The following METTL15 variants were observed in gnomAD, a reference collection of about 807,000 sequenced individuals.
METTL15 encodes 12S rRNA N(4)-cytidine methyltransferase METTL15.
A neutral mutation model predicts 38.3 loss-of-function variants in METTL15; 34 were observed. The observed-to-expected ratio is 0.89, with a 90% CI of 0.68 to 1.18. The LOEUF is 1.18. Ranked by LOEUF, METTL15 falls within the 50% of genes most tolerant of loss-of-function variation. METTL15 has a pLI of 0.00. For synonymous variants in METTL15, 162 were observed against 170.9 expected (o/e 0.95, Z 0.41); for missense variants, 438 against 498.4 (o/e 0.88, Z 1.15).
At chr11:28,423,717 G>A (rs1012043406) in intron 5 of METTL15, among the ~76,000 whole-genome samples, 1 of 152,044 alleles carries the variant, frequency 6.6e-6, no homozygotes, top group East Asian at 1.9e-4. Flanking sequence ...AGGGTAGCAG[G>A]GGAATGGAGA....
At chr11:28,333,991 A>G (rs1010683046), downstream of METTL15, among the ~76,000 whole-genome samples, 40 of 151,854 alleles carry the variant, frequency 2.6e-4, no homozygotes, top group African/African-American at 8.7e-4. Flanking sequence ...ATGAATCTGT[A>G]CTGCAGACTT....
chr11:28,455,872 A>G (rs554374446), intron 6 of METTL15, among the ~76,000 whole-genome samples: 7 of 151,968 alleles, frequency 4.6e-5, no homozygotes, highest in African/African-American at 1.7e-4. Flanking sequence ...ACACCCAGCT[A>G]ATTTTTTGTA....
intron 4 of METTL15, 33 bp from the exon 5 acceptor site, chr11:28,290,173 A>G (rs765436155): frequency 2.6e-5 from 40 of 1,554,266 alleles, no homozygotes; most frequent in Non-Finnish European, 3.3e-5. Flanking sequence ...ATCTAACAGA[A>G]GTGTTTTCTC....
intron 4 of METTL15, among the ~76,000 whole-genome samples, chr11:28,218,970 A>T (rs1180819150): frequency 6.6e-6 from 1 of 152,148 alleles, no homozygotes; most frequent in African/African-American, 2.4e-5. Flanking sequence ...CCAGTATGTT[A>T]TTGAGGATTT....
chr11:28,308,504 TC>T (rs1263371570), intron 6 of METTL15, among the ~76,000 whole-genome samples: 1 of 152,162 alleles, frequency 6.6e-6, no homozygotes, highest in Non-Finnish European at 1.5e-5. Context: ...TTGACACAGT[TC>T]CACTCATAGA....
chr11:28,358,751 A>G (rs953841298), intron 4 of METTL15, among the ~76,000 whole-genome samples: 2 of 152,194 alleles, frequency 1.3e-5, no homozygotes, highest in Non-Finnish European at 2.9e-5. Flanking sequence ...ATGGAATCTC[A>G]CACAGTAAAG....
intron 4 of METTL15, among the ~76,000 whole-genome samples, chr11:28,250,213 A>C (rs1046885884): frequency 1.3e-4 from 19 of 151,978 alleles, no homozygotes; most frequent in Admixed American, 1.2e-3. Flanking sequence ...TGGTAGAATG[A>C]TGTATTTTCC....
intron 6 of METTL15, among the ~76,000 whole-genome samples, chr11:28,325,434 C>T (rs191681525): frequency 1.3e-5 from 2 of 152,280 alleles, no homozygotes; most frequent in East Asian, 3.9e-4. Context: ...AGGCTTTATA[C>T]ATAAGTTTTG....
At chr11:28,309,695 G>A (rs937090793) in intron 6 of METTL15, among the ~76,000 whole-genome samples, 2 of 152,076 alleles carry the variant, frequency 1.3e-5, no homozygotes, top group African/African-American at 4.8e-5. Context: ...TTTCTTGTAA[G>A]GGGTAAGTGT....
chr11:28,373,717 GT>G (rs1280258012), intron 5 of METTL15, among the ~76,000 whole-genome samples: 2 of 152,174 alleles, frequency 1.3e-5, no homozygotes, highest in East Asian at 3.8e-4. Context: ...TGCTTTTGGT[GT>G]TTTAGACATG....
intron 5 of METTL15, among the ~76,000 whole-genome samples, chr11:28,379,409 C>T (rs1013787074): frequency 6.6e-6 from 1 of 151,956 alleles, no homozygotes; most frequent in African/African-American, 2.4e-5. Flanking sequence ...TGTTGTATTT[C>T]AATTTTCATT....
intron 6 of METTL15, among the ~76,000 whole-genome samples, chr11:28,310,258 C>T: frequency 6.6e-6 from 1 of 151,842 alleles, no homozygotes; most frequent in East Asian, 1.9e-4. Flanking sequence ...AGGGGAAAGT[C>T]AGAGTTAGGA....
chr11:28,109,212 A>G (rs1257276666), intron 1 of METTL15, among the ~76,000 whole-genome samples: 1 of 152,194 alleles, frequency 6.6e-6, no homozygotes, highest in African/African-American at 2.4e-5. Context: ...TGTGTACTGT[A>G]TGTGATGCAT....
chr11:28,430,819 T>A (rs1419174275), intron 6 of METTL15, among the ~76,000 whole-genome samples: 4 of 68,360 alleles, frequency 5.9e-5, no homozygotes, highest in African/African-American at 1.3e-4. Flanking sequence ...GGAGCCCCTC[T>A]GCCCGGCCAG....
At chr11:28,195,254 T>C (rs1851867005) in intron 3 of METTL15, among the ~76,000 whole-genome samples, 1 of 152,140 alleles carries the variant, frequency 6.6e-6, no homozygotes, top group Non-Finnish European at 1.5e-5. Context: ...CTGAATTGAA[T>C]GGTAGATCTA....
At chr11:28,139,259 T>C (rs1057441859) in intron 3 of METTL15, among the ~76,000 whole-genome samples, 3 of 152,130 alleles carry the variant, frequency 2.0e-5, no homozygotes, top group African/African-American at 4.8e-5. Context: ...GATTTTTTTT[T>C]CCCTCAAAGG....
chr11:28,221,056 G>T (rs568816434), intron 4 of METTL15, among the ~76,000 whole-genome samples: 4 of 152,030 alleles, frequency 2.6e-5, no homozygotes, highest in Non-Finnish European at 5.9e-5. Context: ...TGCTATTCTC[G>T]TGGAGTATCT....
At chr11:28,339,154 A>C (rs953121351) in intron 3 of METTL15, among the ~76,000 whole-genome samples, 1 of 152,126 alleles carries the variant, frequency 6.6e-6, no homozygotes, top group Non-Finnish European at 1.5e-5. Flanking sequence ...TGCCTTTCAA[A>C]AGCTATTTAA....
At chr11:28,131,786 C>T (rs1190810329) in intron 3 of METTL15, among the ~76,000 whole-genome samples, 2 of 152,202 alleles carry the variant, frequency 1.3e-5, no homozygotes, top group African/African-American at 2.4e-5. Flanking sequence ...TTGGAAGAAT[C>T]GTCTCATATG....
Sources: gnomAD v4.1 joint callset for allele counts (sites outside exome capture counted in the v4.1 genomes callset) on GRCh38, gnomAD v4.1.1 for gene constraint, MANE v1.5 for transcripts, NCBI Gene and HGNC (gene_info 2026-07-23, HGNC 2026-07-21) for gene names.